Variants in KCNJ15 observed in about 807,000 individuals in gnomAD.
KCNJ15 encodes the protein ATP-sensitive inward rectifier potassium channel 15.
KCNJ15 carries 14 observed loss-of-function variants against 23.0 expected under a neutral mutation model. The observed-to-expected ratio is 0.61, with a 90% CI of 0.40 to 0.95. The LOEUF (loss-of-function observed/expected upper bound fraction) is 0.95, where lower values mean the gene tolerates loss of function less well. Ranked by LOEUF, KCNJ15 falls within the 40% of genes least tolerant of loss-of-function variation. The pLI is 0.00. For missense variants in KCNJ15, 388 were observed against 461.8 expected (o/e 0.84, Z 1.46); for synonymous variants, 185 against 183.2 (o/e 1.01, Z -0.08).
rs1019977109 is a variant in KCNJ15 at position 38,246,922 on chromosome 21, T to G, written c.-398-10124T>G. 6.6e-5 allele frequency among the ~76,000 whole-genome samples: 10 copies of G among 152,346 alleles called. No individual in the cohort carries two copies. The South Asian group carries it at 2.1e-3, about 32-fold the overall frequency. On this transcript the variant is annotated intron_variant, in intron 1 of 4. Transcript: ENST00000547341. The stretch of plus-strand genomic sequence containing the variant: ...CCTTCTGACAGGAAACTTTCAAAGT[T>G]AGAAGTTACACTGAGCTTGAATTTT...
intron 1 of KCNJ15, among the ~76,000 whole-genome samples, chr21:38,281,540 G>A (rs1011780169): frequency 6.6e-6 from 1 of 152,156 alleles, no homozygotes; most frequent in Non-Finnish European, 1.5e-5. Context: ...TTCTGTTCCT[G>A]CATTAATTTG....
chr21:38,271,542 G>A (rs1273190351), intron 1 of KCNJ15, among the ~76,000 whole-genome samples: 1 of 152,232 alleles, frequency 6.6e-6, no homozygotes, highest in African/African-American at 2.4e-5. Context: ...TGCGATTCCT[G>A]CTTTTCCTAA....
chr21:38,287,240 A>C (rs1984004544), intron 1 of KCNJ15, among the ~76,000 whole-genome samples: 1 of 152,252 alleles, frequency 6.6e-6, no homozygotes, highest in African/African-American at 2.4e-5. Context: ...CTGGTAAGCC[A>C]TGCATGAAAA....
chr21:38,278,875 G>C (rs1425378709), intron 1 of KCNJ15, among the ~76,000 whole-genome samples: 1 of 152,206 alleles, frequency 6.6e-6, no homozygotes. Flanking sequence ...TGAGGCTTTG[G>C]TTTGTAGACA....
intron 1 of KCNJ15, among the ~76,000 whole-genome samples, chr21:38,266,655 T>G (rs536933978): frequency 6.6e-6 from 1 of 152,336 alleles, no homozygotes; most frequent in Non-Finnish European, 1.5e-5. Flanking sequence ...TGATTTATAA[T>G]CCTTTGGGTA....
At chr21:38,236,654 G>C (rs182254471) in intron 1 of KCNJ15, among the ~76,000 whole-genome samples, 1 of 152,324 alleles carries the variant, frequency 6.6e-6, no homozygotes, top group East Asian at 1.9e-4. Context: ...GGCTCTCCCT[G>C]TGAATTTATG....
intron 1 of KCNJ15, among the ~76,000 whole-genome samples, chr21:38,273,850 C>T (rs1246785340): frequency 1.3e-5 from 2 of 152,236 alleles, no homozygotes; most frequent in Non-Finnish European, 2.9e-5. Flanking sequence ...ATCCAACCCT[C>T]TCATTTTACA....
At chr21:38,272,862 C>G (rs540173768) in intron 1 of KCNJ15, among the ~76,000 whole-genome samples, 1 of 152,138 alleles carries the variant, frequency 6.6e-6, no homozygotes, top group African/African-American at 2.4e-5. Flanking sequence ...AATACTTATA[C>G]CCTACACTCT....
At chr21:38,294,966 A>G (rs1984992424) in intron 1 of KCNJ15, among the ~76,000 whole-genome samples, 1 of 152,226 alleles carries the variant, frequency 6.6e-6, no homozygotes, top group Non-Finnish European at 1.5e-5. Flanking sequence ...AACTGAAACG[A>G]TATAACAAAA....
At chr21:38,262,646 T>A (rs766084473) in intron 1 of KCNJ15, among the ~76,000 whole-genome samples, 1 of 152,114 alleles carries the variant, frequency 6.6e-6, no homozygotes, top group Non-Finnish European at 1.5e-5. Flanking sequence ...ACAGTATTTT[T>A]AAAAAGTGAT....
At position 38,289,099 on chromosome 21, in the gene KCNJ15, A is replaced by G. The variant is rs577070379; in HGVS notation, c.-116-7827A>G. ...ATAATCCCAGCTCCTCGGGAGGTTG[A>G]GGCACGAGAATCATTTGAACCCAGG... On this transcript the variant is annotated intron_variant, in intron 1 of 2. Transcript: ENST00000398938. 3.4e-5 allele frequency among the ~76,000 whole-genome samples: 5 copies of G among 148,398 alleles called. No homozygotes were observed. In the South Asian group the frequency reaches 6.6e-4, roughly 20 times the overall value.
At chr21:38,292,501 C>T (rs1984705344) in intron 1 of KCNJ15, among the ~76,000 whole-genome samples, 1 of 152,160 alleles carries the variant, frequency 6.6e-6, no homozygotes, top group African/African-American at 2.4e-5. Context: ...GCTATCTTGT[C>T]ATGATAAATG....
At position 38,271,165 on chromosome 21, in the gene KCNJ15, C is replaced by T. The variant is rs145049387; in HGVS notation, c.-117+13980C>T. On this transcript the variant is annotated intron_variant, in intron 1 of 2. Coordinates refer to ENST00000398938, the MANE Select transcript of KCNJ15 (RefSeq NM_170736.3). ...TTGGTGTAGCTGCTTAAATAAGCCC[C>T]GAATAGAGTCTAGTCCGTCTCTCTG... Among the ~76,000 whole-genome samples the T allele has an allele frequency of 1.8e-4, 28 of 152,316 alleles. 1 individual carries two copies. The East Asian group carries it at 4.1e-3, about 22-fold the overall frequency.
Position 38,299,802 on chromosome 21 carries a change from AG to A in KCNJ15, c.542del (p.Ser181ThrfsTer16). The A allele has an allele frequency of 1.2e-6, 2 of 1,614,148 alleles. No individual in the cohort carries two copies. The highest frequency in any genetic ancestry group is 1.7e-6 in the Non-Finnish European group (2 of 1,180,032). On this transcript the variant is annotated frameshift_variant, in exon 3 of 3. Coordinates refer to ENST00000398938, the MANE Select transcript of KCNJ15 (RefSeq NM_170736.3). LOFTEE classifies it high-confidence loss of function. This position sits in a 1 kb window ranked among gnomAD's most constrained non-coding sequence, Gnocchi z 4.5. ...AAAGCGGGCTGAGACCATCAAGTTC[AG>A]CCACTGTGCAGTCATCACCAAGCAG... is the stretch of plus-strand genomic sequence containing the variant. ...PKKRAETIKF[S>X]HCAVITKQNG...
chr21:38,258,421 G>A (rs551935517), intron 1 of KCNJ15, among the ~76,000 whole-genome samples: 4 of 152,300 alleles, frequency 2.6e-5, no homozygotes, highest in Admixed American at 2.6e-4. Flanking sequence ...TTCCCCGGGC[G>A]CTGTTCTTTC....
chr21:38,251,328 C>A (rs941135137), intron 1 of KCNJ15, among the ~76,000 whole-genome samples: 2 of 152,164 alleles, frequency 1.3e-5, no homozygotes, highest in African/African-American at 4.8e-5. Flanking sequence ...TGTAAGGTTG[C>A]ACCAACAATA....
At chr21:38,253,919 ATTT>A (rs1434097940), upstream of KCNJ15, among the ~76,000 whole-genome samples, 7 of 152,188 alleles carry the variant, frequency 4.6e-5, no homozygotes, top group Non-Finnish European at 7.4e-5. Context: ...CTGAATAGTC[ATTT>A]ATATTTGTTT....
intron 1 of KCNJ15, among the ~76,000 whole-genome samples, chr21:38,279,482 T>C (rs115319627): frequency 0.013 from 2,020 of 152,170 alleles, 65 homozygotes; most frequent in African/African-American, 0.047. Flanking sequence ...TGAGAAGGCA[T>C]CAGAAAAGTA....
chr21:38,246,764 G>A (rs1223087597), intron 1 of KCNJ15, among the ~76,000 whole-genome samples: 1 of 152,114 alleles, frequency 6.6e-6, no homozygotes, highest in Admixed American at 6.5e-5. Flanking sequence ...TGTGTGTGTG[G>A]GTTAAAGGGA....
Sources: allele counts gnomAD v4.1 joint callset (sites outside exome capture counted in the v4.1 genomes callset), GRCh38; gene constraint gnomAD v4.1.1; non-coding constraint Gnocchi (gnomAD v3.1); transcripts MANE v1.5; gene names NCBI Gene and HGNC (gene_info 2026-07-23, HGNC 2026-07-21).